The following AGBL1 variants were observed in gnomAD, a reference collection of about 807,000 sequenced individuals.
AGBL1 encodes cytosolic carboxypeptidase 4.
Under a neutral mutation model 118.9 loss-of-function variants are expected in AGBL1, and 130 were observed. The observed-to-expected ratio is 1.09, with a 90% CI of 0.95 to 1.26. AGBL1 has a LOEUF of 1.26. Among genes scored for constraint, AGBL1 ranks in the 50% most tolerant of loss-of-function variants. AGBL1 has a pLI of 0.00. For missense variants in AGBL1, 1,584 were observed against 1,298.1 expected (o/e 1.22, Z -3.38); for synonymous variants, 555 against 478.9 (o/e 1.16, Z -2.08).
At chr15:86,658,051 G>T (rs2085488484) in intron 21 of AGBL1, among the ~76,000 whole-genome samples, 1 of 151,682 alleles carries the variant, frequency 6.6e-6, no homozygotes, top group Admixed American at 6.6e-5. Flanking sequence ...ATACTATATT[G>T]TATATGCATA....
At chr15:87,015,280 G>A (rs1371291168) in intron 24 of AGBL1, among the ~76,000 whole-genome samples, 1 of 152,086 alleles carries the variant, frequency 6.6e-6, no homozygotes, top group African/African-American at 2.4e-5. Flanking sequence ...TGGTTCTCCA[G>A]CCTGTGATAA....
At chr15:86,314,072 A>ATT (rs2079960738) in intron 17 of AGBL1, among the ~76,000 whole-genome samples, 1 of 152,196 alleles carries the variant, frequency 6.6e-6, no homozygotes, top group Non-Finnish European at 1.5e-5. Flanking sequence ...ATCTGAATAT[A>ATT]TATTAAATAG....
chr15:86,890,169 C>T (rs2080031694), intron 22 of AGBL1, among the ~76,000 whole-genome samples: 1 of 152,062 alleles, frequency 6.6e-6, no homozygotes, highest in Non-Finnish European at 1.5e-5. Flanking sequence ...TTTTTTTGCA[C>T]ATGTTTGTTG....
chr15:86,274,061 A>G (rs1225136415), intron 15 of AGBL1, among the ~76,000 whole-genome samples: 1 of 152,238 alleles, frequency 6.6e-6, no homozygotes, highest in Admixed American at 6.5e-5. Context: ...TACATTTAAA[A>G]AAGTGTATAT....
intron 23 of AGBL1, among the ~76,000 whole-genome samples, chr15:86,932,377 G>A (rs2080616535): frequency 6.6e-6 from 1 of 152,208 alleles, no homozygotes; most frequent in Non-Finnish European, 1.5e-5. Flanking sequence ...CAAGTCATTT[G>A]ATTAATGCCA....
At chr15:86,856,661 C>T (rs533358408) in intron 22 of AGBL1, among the ~76,000 whole-genome samples, 2 of 152,332 alleles carry the variant, frequency 1.3e-5, no homozygotes, top group South Asian at 2.1e-4. Flanking sequence ...ACAGTATAGC[C>T]ACCATTATTA....
intron 15 of AGBL1, among the ~76,000 whole-genome samples, chr15:86,277,343 T>C (rs531362738): frequency 6.7e-6 from 1 of 149,956 alleles, no homozygotes; most frequent in Non-Finnish European, 1.5e-5. Context: ...TGTGTGTATG[T>C]TGGTGGTGTG....
chr15:86,558,653 G>T (rs1158431407), intron 21 of AGBL1, among the ~76,000 whole-genome samples: 1 of 152,166 alleles, frequency 6.6e-6, no homozygotes, highest in Non-Finnish European at 1.5e-5. Context: ...CTGGAACTAA[G>T]CACTTAAATT....
intron 16 of AGBL1, among the ~76,000 whole-genome samples, chr15:86,294,786 G>A (rs936992553): frequency 2.0e-5 from 3 of 151,758 alleles, no homozygotes; most frequent in East Asian, 1.9e-4. Context: ...TTATGGGTAC[G>A]CGTGAAGTTT....
At chr15:86,959,745 A>T (rs1436009952) in intron 23 of AGBL1, among the ~76,000 whole-genome samples, 1 of 151,592 alleles carries the variant, frequency 6.6e-6, no homozygotes, top group African/African-American at 2.4e-5. Context: ...CTCTGTGCTC[A>T]TTTGCTTCAA....
intron 20 of AGBL1, among the ~76,000 whole-genome samples, chr15:86,553,480 T>C (rs890889775): frequency 6.6e-6 from 1 of 152,216 alleles, no homozygotes; most frequent in Non-Finnish European, 1.5e-5. Context: ...GAGTTTCATA[T>C]TGATCAAGCC....
At chr15:86,123,087 ATCTC>A (rs1898187352) in intron 1 of AGBL1, among the ~76,000 whole-genome samples, 1 of 152,178 alleles carries the variant, frequency 6.6e-6, no homozygotes, top group Admixed American at 6.5e-5. Flanking sequence ...TCTATAGAGA[ATCTC>A]TATTCCTTTC....
intron 6 of AGBL1, among the ~76,000 whole-genome samples, chr15:86,245,551 C>T (rs2141987101): frequency 6.6e-6 from 1 of 152,352 alleles, no homozygotes; most frequent in East Asian, 1.9e-4. Context: ...TCCACCAACC[C>T]TGTAGCCCAA....
chr15:86,859,087 T>C (rs1190396711), intron 22 of AGBL1, among the ~76,000 whole-genome samples: 1 of 152,198 alleles, frequency 6.6e-6, no homozygotes, highest in Non-Finnish European at 1.5e-5. Flanking sequence ...TGCTGTTATA[T>C]TAGTGAAAGC....
chr15:86,616,338 T>TC (rs1349921267), intron 21 of AGBL1, among the ~76,000 whole-genome samples: 23 of 55,496 alleles, frequency 4.1e-4, no homozygotes, highest in Non-Finnish European at 7.0e-4. Context: ...CTCCTCCACT[T>TC]CAAAAAAAAA....
At chr15:86,234,052 C>T (rs2078498699) in intron 6 of AGBL1, among the ~76,000 whole-genome samples, 1 of 152,312 alleles carries the variant, frequency 6.6e-6, no homozygotes, top group South Asian at 2.1e-4. Flanking sequence ...CTAGTTCTTA[C>T]ACTCATGCAG....
At chr15:86,133,443 C>T (rs1047656319) in intron 1 of AGBL1, among the ~76,000 whole-genome samples, 1 of 152,190 alleles carries the variant, frequency 6.6e-6, no homozygotes, top group African/African-American at 2.4e-5. Context: ...GGCACCTATT[C>T]CTGGTTGCAC....
chr15:86,827,478 T>C lies in AGBL1; in HGVS notation c.3159-79609T>C, dbSNP rs1475671173. On this transcript the variant is annotated intron_variant, in intron 22 of 22. Coordinates refer to ENST00000614907, the MANE Select transcript of AGBL1 (RefSeq NM_001386094.1). ...ATATATATATATATATACATATATA[T>C]ATATATGTGTGTATATATATATATA... 8.9e-4 allele frequency among the ~76,000 whole-genome samples: 9 copies of C among 10,082 alleles called. 2 individuals carry two copies. The highest frequency in any genetic ancestry group is 5.9e-3 in the African/African-American group (9 of 1,536). The allele number at this position is 10,082 out of a possible 152,430, so 6.6% of individuals were successfully genotyped here.
chr15:86,380,033 G>A (rs1015508804), intron 17 of AGBL1, among the ~76,000 whole-genome samples: 15 of 152,162 alleles, frequency 9.9e-5, no homozygotes, highest in Non-Finnish European at 1.6e-4. Flanking sequence ...CCTTTGGCAT[G>A]GTCTAGGGGA....
Sources: allele counts gnomAD v4.1 joint callset (sites outside exome capture counted in the v4.1 genomes callset), GRCh38; gene constraint gnomAD v4.1.1; transcripts MANE v1.5; gene names NCBI Gene and HGNC (gene_info 2026-07-23, HGNC 2026-07-21).